Variants in EMP1 observed in about 807,000 individuals in gnomAD.
EMP1 encodes the protein tumor-associated membrane protein.
In EMP1, 5 loss-of-function variants were observed where a neutral mutation model predicts 15.7. The ratio of observed to expected loss-of-function variants is 0.32; its 90% CI spans 0.17 to 0.67. EMP1 has a LOEUF of 0.67. Among genes scored for constraint, EMP1 ranks in the 30% least tolerant of loss-of-function variants. EMP1 has a pLI of 0.74. For synonymous variants in EMP1, 78 were observed against 76.7 expected, an observed-to-expected ratio of 1.02 and a Z score of -0.09; for missense variants, 166 against 194.2, an observed-to-expected ratio of 0.85 and a Z score of 0.86.
chr12:13,197,331 G>A (rs1268795648), intron 1 of EMP1, among the ~76,000 whole-genome samples: 7 of 152,116 alleles, frequency 4.6e-5, no homozygotes, highest in Non-Finnish European at 8.8e-5. Flanking sequence ...TTGTTGGTTG[G>A]GATTTTTTGG....
At chr12:13,208,254 A>G (rs1864131596) in intron 1 of EMP1, among the ~76,000 whole-genome samples, 1 of 152,224 alleles carries the variant, frequency 6.6e-6, no homozygotes, top group South Asian at 2.1e-4. Context: ...CTACCTTGCA[A>G]GTAATGGGTG....
chr12:13,202,816 G>A (rs1160233286), intron 1 of EMP1, among the ~76,000 whole-genome samples: 1 of 152,112 alleles, frequency 6.6e-6, no homozygotes, highest in Non-Finnish European at 1.5e-5. Context: ...AGGGTAGGAG[G>A]AAAAGAGAGA....
intron 2 of EMP1, among the ~76,000 whole-genome samples, chr12:13,212,741 G>C (rs3782561): frequency 0.37 from 55,744 of 152,088 alleles, 11,426 homozygotes; most frequent in East Asian, 0.59. Context: ...CACCTTTCCA[G>C]TGTGTGCATT....
chr12:13,213,402 T>C, intron 2 of EMP1, 77 bp from the exon 3 acceptor site: 1 of 1,327,228 alleles, frequency 7.5e-7, no homozygotes, highest in Non-Finnish European at 1.1e-6. Context: ...CTGATCCCGA[T>C]GCAAGCTGAT....
chr12:13,213,996 C>T lies in EMP1; in HGVS notation c.316+175C>T, dbSNP rs760587318. On this transcript the variant is annotated intron_variant, in intron 4 of 4. Coordinates refer to ENST00000256951, the MANE Select transcript of EMP1 (RefSeq NM_001423.3). ...TTGGATTGCTGCTTAGGTTAAGAAC[C>T]CTCATCTGCTTCATTGTTCAAAACC... 9 of 949,554 alleles carry T rather than the reference C, an allele frequency of 9.5e-6. No individual in the cohort carries two copies. The Admixed American group carries it at 1.6e-4, about 17-fold the overall frequency. 58.8% of individuals were successfully genotyped at this position (949,554 alleles called of 1,614,324 possible). A position where few individuals can be genotyped will look rare whatever the true frequency, so the allele number is the denominator to read the frequency against.
At chr12:13,199,784 A>G (rs1864047358) in intron 1 of EMP1, among the ~76,000 whole-genome samples, 1 of 152,066 alleles carries the variant, frequency 6.6e-6, no homozygotes. Context: ...AGCAAAATCA[A>G]CTTCCTTATA....
At chr12:13,202,055 G>A (rs1864070943) in intron 1 of EMP1, among the ~76,000 whole-genome samples, 1 of 152,078 alleles carries the variant, frequency 6.6e-6, no homozygotes, top group Non-Finnish European at 1.5e-5. Context: ...GGAGGAGGCA[G>A]GCAGAAAGAC....
At chr12:13,204,559 A>G (rs546274257) in intron 1 of EMP1, among the ~76,000 whole-genome samples, 48 of 152,352 alleles carry the variant, frequency 3.2e-4, no homozygotes, top group African/African-American at 1.2e-3. Context: ...CGCAGAGGAC[A>G]GAAAGGCTTT....
chr12:13,210,395 G>A (rs1352685208), intron 1 of EMP1, among the ~76,000 whole-genome samples: 1 of 152,154 alleles, frequency 6.6e-6, no homozygotes, highest in East Asian at 1.9e-4. Context: ...GCATGACAAA[G>A]CTCTCCTTCT....
chr12:13,202,742 C>G (rs1228646519), intron 1 of EMP1, among the ~76,000 whole-genome samples: 1 of 152,042 alleles, frequency 6.6e-6, no homozygotes, highest in Non-Finnish European at 1.5e-5. Context: ...CCTCGGAAGA[C>G]CCTGTGTTTT....
chr12:13,198,648 T>G (rs1349936293), intron 1 of EMP1, among the ~76,000 whole-genome samples: 4 of 152,236 alleles, frequency 2.6e-5, no homozygotes, highest in Non-Finnish European at 5.9e-5. Context: ...ATACAAATCT[T>G]TTAGTTCTGT....
chr12:13,214,951 C>T lies in EMP1; in HGVS notation c.*260C>T. On this transcript the variant is annotated 3_prime_UTR_variant, in exon 5 of 5. Coordinates refer to ENST00000256951, the MANE Select transcript of EMP1 (RefSeq NM_001423.3). Reference sequence around the variant, plus strand: ...GCCTCCCTGCAGCCACCAGACTTGGCCTCCAGCTGTTCTTAGTGACACACA... The same window carrying T: ...GCCTCCCTGCAGCCACCAGACTTGGTCTCCAGCTGTTCTTAGTGACACACA... The T allele has an allele frequency of 4.8e-6, 2 of 414,104 alleles. No individual in the cohort carries two copies. Among genetic ancestry groups the T allele is most frequent in the South Asian group, 2.3e-5 (1 of 42,874 alleles). 25.7% of individuals were successfully genotyped at this position (414,104 alleles called of 1,614,324 possible).
At chr12:13,206,272 C>T (rs1006819846) in intron 1 of EMP1, among the ~76,000 whole-genome samples, 4 of 152,214 alleles carry the variant, frequency 2.6e-5, no homozygotes, top group African/African-American at 9.6e-5. Context: ...CTTTCTTAAG[C>T]TGCCAGGGAA....
rs1591711817 is a variant in EMP1 at position 13,216,086 on chromosome 12, A to G, written c.*1395A>G. 1 of 339,170 alleles carries G rather than the reference A, an allele frequency of 2.9e-6. No homozygotes were observed. Among genetic ancestry groups the G allele is most frequent in the Non-Finnish European group, 5.4e-6 (1 of 183,630 alleles). 21.0% of individuals were successfully genotyped at this position (339,170 alleles called of 1,614,324 possible). A position where few individuals can be genotyped will look rare whatever the true frequency, so the allele number is the denominator to read the frequency against. ...CCTCTATACAGGACTTAGAAGTAGT[A>G]TGTTATTCCTGGTTAAGCAGGCATT... is the stretch of plus-strand genomic sequence containing the variant. On this transcript the variant is annotated 3_prime_UTR_variant, in exon 5 of 5. Coordinates refer to ENST00000256951, the MANE Select transcript of EMP1 (RefSeq NM_001423.3).
intron 2 of EMP1, among the ~76,000 whole-genome samples, chr12:13,212,969 T>C (rs1864179999): frequency 6.6e-6 from 1 of 152,264 alleles, no homozygotes; most frequent in Non-Finnish European, 1.5e-5. Flanking sequence ...TTGATCCTTC[T>C]GTTTAGATGA....
rs1455602668 is a variant in EMP1 at position 13,211,572 on chromosome 12, T to C, written c.62T>C (p.Val21Ala). The C allele has an allele frequency of 6.2e-7, 1 of 1,614,014 alleles. No homozygotes were observed. Among genetic ancestry groups the C allele is most frequent in the Non-Finnish European group, 8.5e-7 (1 of 1,179,970 alleles). ...VHIATVIMLFVSTIANVWLVS... is the reference protein window; with the variant it reads ...VHIATVIMLFASTIANVWLVS... ...ATCGCTACTGTTATTATGCTATTTGTTAGCACCATTGCCAATGTGAGTAAT... is the reference window on the plus strand; with the variant it reads ...ATCGCTACTGTTATTATGCTATTTGCTAGCACCATTGCCAATGTGAGTAAT... Residue 21 changes from valine to alanine, a missense_variant, in exon 2 of 5, where the codon GTT becomes GCT. Transcript: ENST00000256951. The surrounding 1 kb of genome is among the most constrained non-coding windows in gnomAD (Gnocchi z 4.7).
chr12:13,214,268 G>C (rs1431824276), intron 4 of EMP1: 2 of 597,828 alleles, frequency 3.3e-6, no homozygotes, highest in African/African-American at 3.7e-5. Context: ...AGGACAGCTG[G>C]GTGGTAGGCA....
intron 4 of EMP1, 166 bp from the exon 5 acceptor site, chr12:13,214,368 G>A (rs1864194077): frequency 1.3e-5 from 11 of 879,646 alleles, no homozygotes; most frequent in South Asian, 3.6e-5. Context: ...ACATACCGTC[G>A]AGCTTGGCCC....
chr12:13,213,298 C>T (rs987629133), intron 2 of EMP1, 181 bp from the exon 3 acceptor site: 5 of 623,010 alleles, frequency 8.0e-6, no homozygotes, highest in Admixed American at 3.0e-5. Context: ...CTCTTGGCAA[C>T]TTTGTGAACT....
Sources: allele counts gnomAD v4.1 joint callset (sites outside exome capture counted in the v4.1 genomes callset), GRCh38; gene constraint gnomAD v4.1.1; non-coding constraint Gnocchi (gnomAD v3.1); transcripts MANE v1.5; gene names NCBI Gene and HGNC (gene_info 2026-07-23, HGNC 2026-07-21).